Variants in SLC26A7 observed in about 807,000 individuals in gnomAD.
SLC26A7 encodes anion exchange transporter.
In SLC26A7, 59 loss-of-function variants were observed where a neutral mutation model predicts 82.5. That is an observed-to-expected ratio of 0.72 (90% CI 0.58 to 0.89). SLC26A7 has a LOEUF of 0.89. SLC26A7 is among the 40% of genes least tolerant of loss of function. The pLI is 0.00. For synonymous variants in SLC26A7, 271 were observed against 274.3 expected, an observed-to-expected ratio of 0.99 and a Z score of 0.12; for missense variants, 820 against 793.0, an observed-to-expected ratio of 1.03 and a Z score of -0.41.
chr8:91,379,697 T>C (rs1449244572), intron 15 of SLC26A7, among the ~76,000 whole-genome samples: 1 of 152,062 alleles, frequency 6.6e-6, no homozygotes, highest in East Asian at 1.9e-4. Flanking sequence ...AATGTAAACT[T>C]AGAAGAGCAT....
intron 2 of SLC26A7, among the ~76,000 whole-genome samples, chr8:91,252,781 C>T (rs1810695369): frequency 6.6e-6 from 1 of 151,994 alleles, no homozygotes; most frequent in Non-Finnish European, 1.5e-5. Flanking sequence ...AGGTGTTGCC[C>T]TGTGATTATA....
chr8:91,338,376 ATG>A, intron 7 of SLC26A7, 144 bp downstream of exon 7: 1 of 525,506 alleles, frequency 1.9e-6, no homozygotes, highest in Non-Finnish European at 3.2e-6. Flanking sequence ...TACACACTTC[ATG>A]TGTAGAGAAA....
chr8:91,365,795 T>C (rs1814176206), intron 13 of SLC26A7, among the ~76,000 whole-genome samples: 1 of 152,200 alleles, frequency 6.6e-6, no homozygotes, highest in South Asian at 2.1e-4. Flanking sequence ...TCTTTGCATC[T>C]CCTCTTCTAT....
chr8:91,371,605 G>A (rs543104408), intron 15 of SLC26A7, among the ~76,000 whole-genome samples: 9 of 151,914 alleles, frequency 5.9e-5, no homozygotes, highest in East Asian at 5.8e-4. Context: ...ATATTCCATC[G>A]TGTATATATA....
upstream of SLC26A7, among the ~76,000 whole-genome samples, chr8:91,245,508 G>A (rs1050866710): frequency 6.6e-5 from 10 of 152,078 alleles, no homozygotes; most frequent in Admixed American, 2.6e-4. Flanking sequence ...ATCAGCCTTC[G>A]TTTTCCCTCT....
chr8:91,353,897 C>T (rs1813791691), intron 11 of SLC26A7, among the ~76,000 whole-genome samples: 1 of 151,872 alleles, frequency 6.6e-6, no homozygotes, highest in African/African-American at 2.4e-5. Context: ...AGGCAGTGGA[C>T]ATAGAAACAC....
At chr8:91,393,882 G>A in intron 17 of SLC26A7, 31 bp downstream of exon 17, 1 of 1,613,370 alleles carries the variant, frequency 6.2e-7, no homozygotes, top group East Asian at 2.2e-5. Flanking sequence ...AACGTTGAAT[G>A]TGATTTTTCT....
intron 2 of SLC26A7, among the ~76,000 whole-genome samples, chr8:91,227,560 A>G (rs1279655200): frequency 6.6e-6 from 1 of 152,168 alleles, no homozygotes; most frequent in Non-Finnish European, 1.5e-5. Context: ...TCTCCATTTA[A>G]TTACTCAATA....
At chr8:91,219,099 G>A (rs923121934) in intron 2 of SLC26A7, 126 of 492,134 alleles carry the variant, frequency 2.6e-4, no homozygotes, top group Non-Finnish European at 3.1e-4. Context: ...TGTTCTCTTT[G>A]TCAACACATT....
intron 13 of SLC26A7, among the ~76,000 whole-genome samples, chr8:91,365,005 A>G (rs1445881519): frequency 6.6e-6 from 1 of 151,906 alleles, no homozygotes; most frequent in Non-Finnish European, 1.5e-5. Flanking sequence ...GCTAAATTAA[A>G]ATAATCTGTC....
At chr8:91,341,191 T>C (rs1031885222) in intron 8 of SLC26A7, among the ~76,000 whole-genome samples, 1 of 149,910 alleles carries the variant, frequency 6.7e-6, no homozygotes, top group Admixed American at 6.7e-5. Context: ...CCTGTGTCCA[T>C]GTGATCTCAT....
chr8:91,323,875 G>C (rs1277530845), intron 5 of SLC26A7, among the ~76,000 whole-genome samples: 2 of 143,852 alleles, frequency 1.4e-5, no homozygotes, highest in Admixed American at 7.1e-5. Context: ...CTGGAGTGCA[G>C]TGGTGCCATC....
intron 2 of SLC26A7, among the ~76,000 whole-genome samples, chr8:91,266,490 A>G (rs2130726223): frequency 6.6e-6 from 1 of 151,880 alleles, no homozygotes; most frequent in Admixed American, 6.6e-5. Context: ...TTATTTTTGT[A>G]GCCATTGTAA....
intron 5 of SLC26A7, among the ~76,000 whole-genome samples, chr8:91,329,449 C>T (rs1375247): frequency 0.1 from 15,831 of 152,156 alleles, 962 homozygotes; most frequent in Middle Eastern, 0.21. Context: ...TCTGGAGCAT[C>T]TTGTGAGATG....
chr8:91,281,368 A>T (rs1320966192), intron 2 of SLC26A7, among the ~76,000 whole-genome samples: 5 of 152,168 alleles, frequency 3.3e-5, no homozygotes, highest in Non-Finnish European at 7.3e-5. Flanking sequence ...ATTGTGCAGA[A>T]GTGTGTCTAA....
chr8:91,332,432 T>C (rs1364868901), intron 5 of SLC26A7, among the ~76,000 whole-genome samples: 1 of 143,554 alleles, frequency 7.0e-6, no homozygotes, highest in African/African-American at 2.5e-5. Flanking sequence ...AATCAATATA[T>C]ATTTAATTAA....
At chr8:91,328,160 A>T (rs1379086830) in intron 5 of SLC26A7, among the ~76,000 whole-genome samples, 1 of 151,638 alleles carries the variant, frequency 6.6e-6, no homozygotes, top group Non-Finnish European at 1.5e-5. Flanking sequence ...ATGAAATTTA[A>T]GAGTGGATAA....
At chr8:91,217,414 T>A (rs181846025) in intron 1 of SLC26A7, among the ~76,000 whole-genome samples, 1 of 152,314 alleles carries the variant, frequency 6.6e-6, no homozygotes, top group Admixed American at 6.5e-5. Context: ...GGCTTTGTTT[T>A]CCAGTGGCTG....
intron 2 of SLC26A7, among the ~76,000 whole-genome samples, chr8:91,265,044 C>G (rs1303992181): frequency 6.6e-6 from 1 of 151,996 alleles, no homozygotes; most frequent in African/African-American, 2.4e-5. Context: ...CTCCCTCTCC[C>G]CCATCCCCTT....
Sources: allele counts gnomAD v4.1 joint callset (sites outside exome capture counted in the v4.1 genomes callset), GRCh38; gene constraint gnomAD v4.1.1; transcripts MANE v1.5; gene names NCBI Gene and HGNC (gene_info 2026-07-23, HGNC 2026-07-21).